Variants in ATE1 observed in about 807,000 individuals in gnomAD.
ATE1 encodes arginyltransferase 1, also known as arginyl-tRNA--protein transferase 1.
Under a neutral mutation model 70.5 loss-of-function variants are expected in ATE1, and 36 were observed. That is an observed-to-expected ratio of 0.51 (90% CI 0.39 to 0.67). The LOEUF (loss-of-function observed/expected upper bound fraction) is 0.67, where lower values mean the gene tolerates loss of function less well. Among genes scored for constraint, ATE1 ranks in the 30% least tolerant of loss-of-function variants. The pLI is 0.00. For synonymous variants in ATE1, 232 were observed against 219.3 expected (o/e 1.06, Z -0.51); for missense variants, 593 against 629.5 (o/e 0.94, Z 0.62).
chr10:121,914,435 G>A (rs1951562575), intron 3 of ATE1, among the ~76,000 whole-genome samples: 1 of 151,212 alleles, frequency 6.6e-6, no homozygotes, highest in Non-Finnish European at 1.5e-5. Context: ...AGAAGTGTTA[G>A]AAGCTGGAAA....
intron 11 of ATE1, among the ~76,000 whole-genome samples, chr10:121,779,571 A>C (rs543540541): frequency 2.0e-5 from 3 of 152,230 alleles, no homozygotes; most frequent in Admixed American, 6.5e-5. Flanking sequence ...TGTGTTCTTG[A>C]TCTTTCTCAT....
At chr10:121,789,460 AGCCAGT>A (rs1177337794) in intron 11 of ATE1, among the ~76,000 whole-genome samples, 2 of 152,108 alleles carry the variant, frequency 1.3e-5, no homozygotes, top group East Asian at 3.9e-4. Flanking sequence ...CATCATGCCC[AGCCAGT>A]TTTTGTATTT....
chr10:121,832,767 T>G (rs1948293528), intron 10 of ATE1, among the ~76,000 whole-genome samples: 1 of 152,230 alleles, frequency 6.6e-6, no homozygotes, highest in Non-Finnish European at 1.5e-5. Context: ...GAAAACGGAC[T>G]AATACTCTGC....
At chr10:121,898,712 T>A (rs1950866846) in intron 7 of ATE1, 18 of 1,084,270 alleles carry the variant, frequency 1.7e-5, no homozygotes, top group Non-Finnish European at 2.4e-5. Context: ...GTATGAGTCA[T>A]GTGAGTGTTC....
chr10:121,745,675 C>CT (rs1402278427), intron 11 of ATE1, among the ~76,000 whole-genome samples: 3 of 152,026 alleles, frequency 2.0e-5, no homozygotes, highest in Non-Finnish European at 4.4e-5. Flanking sequence ...TGCAGTGAGC[C>CT]GAGATGGCAT....
chr10:121,887,014 A>C (rs1358467209), intron 7 of ATE1, among the ~76,000 whole-genome samples: 1 of 152,256 alleles, frequency 6.6e-6, no homozygotes, highest in Non-Finnish European at 1.5e-5. Context: ...AAAATATTTA[A>C]AACCTTTAAC....
chr10:121,906,602 GTTTT>G (rs1041542591), intron 5 of ATE1, among the ~76,000 whole-genome samples: 8 of 151,632 alleles, frequency 5.3e-5, no homozygotes, highest in African/African-American at 1.2e-4. Flanking sequence ...AAAATCCAAG[GTTTT>G]TTGTTTGTTT....
intron 11 of ATE1, among the ~76,000 whole-genome samples, chr10:121,786,377 T>G (rs958279203): frequency 6.6e-6 from 1 of 152,032 alleles, no homozygotes; most frequent in African/African-American, 2.4e-5. Context: ...TTCTGTAAAA[T>G]ATCTGTATTG....
chr10:121,892,396 T>C, intron 7 of ATE1, among the ~76,000 whole-genome samples: 1 of 151,180 alleles, frequency 6.6e-6, no homozygotes, highest in East Asian at 1.9e-4. Context: ...CAGAAAGATT[T>C]GGGGGAGAAG....
At chr10:121,889,377 A>G (rs1421755426) in intron 7 of ATE1, among the ~76,000 whole-genome samples, 1 of 152,218 alleles carries the variant, frequency 6.6e-6, no homozygotes, top group Non-Finnish European at 1.5e-5. Flanking sequence ...TAAATGTCAA[A>G]GTCATTAAAT....
intron 1 of ATE1, among the ~76,000 whole-genome samples, chr10:121,925,386 C>A (rs557538538): frequency 3.3e-5 from 5 of 149,708 alleles, no homozygotes; most frequent in African/African-American, 1.2e-4. Context: ...AGCCATTGCA[C>A]TCCACACTCC....
chr10:121,831,367 C>T (rs1486057576), intron 10 of ATE1, among the ~76,000 whole-genome samples: 2 of 152,000 alleles, frequency 1.3e-5, no homozygotes, highest in Admixed American at 6.6e-5. Flanking sequence ...TATATTTACA[C>T]TGTTATTTAC....
chr10:121,779,548 T>C (rs1945892128), intron 11 of ATE1, among the ~76,000 whole-genome samples: 1 of 152,208 alleles, frequency 6.6e-6, no homozygotes, highest in African/African-American at 2.4e-5. Context: ...TCTCTAAAAC[T>C]AATCTTCCTA....
At chr10:121,905,257 T>G (rs1377397051) in intron 5 of ATE1, among the ~76,000 whole-genome samples, 5 of 152,244 alleles carry the variant, frequency 3.3e-5, no homozygotes, top group Admixed American at 3.3e-4. Context: ...TATTATTAGC[T>G]ATTATTTGTA....
In ATE1 at chr10:121,784,351, T is replaced by C. The variant is rs11200150; in HGVS notation, c.1378+5818A>G. ...ATCTTAAGACATCTTAGTTTTCACA[T>C]TTTCAAGAAGAAAATGCAAACAAGT... On this transcript the variant is annotated intron_variant, in intron 11 of 11. Coordinates refer to ENST00000224652, the MANE Select transcript of ATE1 (RefSeq NM_001001976.3). Among the ~76,000 whole-genome samples, 785 of 152,330 alleles carry C rather than the reference T, an allele frequency of 5.2e-3. 18 individuals carry two copies. The East Asian group carries it at 0.064, about 12-fold the overall frequency.
intron 8 of ATE1, among the ~76,000 whole-genome samples, chr10:121,860,733 T>C (rs1018978696): frequency 6.6e-6 from 1 of 152,002 alleles, no homozygotes; most frequent in African/African-American, 2.4e-5. Flanking sequence ...ACATTTCCTT[T>C]TATTTTAAAT....
chr10:121,832,398 T>A (rs1225979716), intron 10 of ATE1, among the ~76,000 whole-genome samples: 3 of 152,196 alleles, frequency 2.0e-5, no homozygotes, highest in Non-Finnish European at 4.4e-5. Context: ...TGTAGCACTA[T>A]CCCCTAACAG....
At chr10:121,864,256 T>C (rs1351646346) in intron 8 of ATE1, among the ~76,000 whole-genome samples, 4 of 152,186 alleles carry the variant, frequency 2.6e-5, no homozygotes, top group Non-Finnish European at 5.9e-5. Flanking sequence ...GGTATAGGGA[T>C]GAAACTGTTC....
chr10:121,769,536 A>T (rs1473319104), intron 11 of ATE1, among the ~76,000 whole-genome samples: 1 of 152,192 alleles, frequency 6.6e-6, no homozygotes, highest in Non-Finnish European at 1.5e-5. Context: ...GCATAAAAAA[A>T]TTTTTAAATT....
Sources: gnomAD v4.1 joint callset for allele counts (sites outside exome capture counted in the v4.1 genomes callset) on GRCh38, gnomAD v4.1.1 for gene constraint, MANE v1.5 for transcripts, NCBI Gene and HGNC (gene_info 2026-07-23, HGNC 2026-07-21) for gene names.